Variants in ATM observed in about 807,000 individuals in gnomAD.
ATM encodes ATM serine/threonine kinase.
In ATM, 308 loss-of-function variants were observed where a neutral mutation model predicts 387.0. That is an observed-to-expected ratio of 0.80 (90% CI 0.73 to 0.87). ATM has a LOEUF of 0.87. Among genes scored for constraint, ATM ranks in the 40% least tolerant of loss-of-function variants. ATM has a pLI of 0.00. For missense variants in ATM, 3,312 were observed against 3,560.9 expected (o/e 0.93, Z 1.78); for synonymous variants, 1,156 against 1,187.3 (o/e 0.97, Z 0.54).
At chr11:108,318,030 G>C (rs185605042) in intron 43 of ATM, among the ~76,000 whole-genome samples, 2 of 152,080 alleles carry the variant, frequency 1.3e-5, no homozygotes, top group South Asian at 4.2e-4. Flanking sequence ...ATCCACAAAG[G>C]ACTGCTTATC....
In ATM at chr11:108,310,211, T is replaced by A; in HGVS notation, c.5814T>A (p.Tyr1938Ter). 1 of 1,613,728 alleles carries A rather than the reference T, an allele frequency of 6.2e-7. No individual in the cohort carries two copies. Among genetic ancestry groups the A allele is most frequent in the Non-Finnish European group, 8.5e-7 (1 of 1,179,802 alleles). ...FNDAFWLDLNYLEVAKVAQSC... is the reference protein window; with the variant it reads ...FNDAFWLDLN Reference sequence around the variant, plus strand: ...ATGCTTTCTGGCTGGATTTAAATTATCTAGAAGTTGCCAAGGTAGCTCAGT... The same window carrying A: ...ATGCTTTCTGGCTGGATTTAAATTAACTAGAAGTTGCCAAGGTAGCTCAGT... The change falls in exon 39 of 63, where the codon TAT (tyrosine) becomes TAA (stop). Residue 1938 changes from tyrosine to a stop codon, truncating the protein, a stop_gained. Transcript: ENST00000675843. LOFTEE classifies it high-confidence loss of function.
In ATM at chr11:108,289,897, ACT is replaced by A. The variant is rs200220292; in HGVS notation, c.4436+99_4436+100del. Reference sequence around the variant, plus strand: ...TTGTTTTGTTTTGAGACAAAGACTCACTCTGTCCGCCCAGGCTGGGTGCAGTC... The same window carrying A: ...TTGTTTTGTTTTGAGACAAAGACTCACTGTCCGCCCAGGCTGGGTGCAGTC... On this transcript the variant is annotated intron_variant, in intron 29 of 62. Transcript: ENST00000675843. 1.9e-3 allele frequency: 2,354 copies of A among 1,231,582 alleles called. 27 individuals carry two copies. In the African/African-American group the frequency reaches 0.024, roughly 12 times the overall value. The allele number at this position is 1,231,582 out of a possible 1,614,324, so 76.3% of individuals were successfully genotyped here.
rs77695110 is a variant in ATM, at chr11:108,299,029, G to A, written c.5006-685G>A. On this transcript the variant is annotated intron_variant, in intron 33 of 62. Transcript: ENST00000675843. ...CTGTTTGTTAGACGTGAGTCACTAAGTACAGACCACACTCAACGGGAGGGA... is the reference window on the plus strand; with the variant it reads ...CTGTTTGTTAGACGTGAGTCACTAAATACAGACCACACTCAACGGGAGGGA... Among the ~76,000 whole-genome samples the A allele has an allele frequency of 5.9e-3, 897 of 152,264 alleles. 9 individuals are homozygous for A. The highest frequency in any genetic ancestry group is 0.017 in the African/African-American group (726 of 41,546).
chr11:108,338,060 G>C (rs751228342), intron 56 of ATM, among the ~76,000 whole-genome samples: 5 of 152,342 alleles, frequency 3.3e-5, no homozygotes, highest in Admixed American at 1.3e-4. Context: ...ATTCCATTAA[G>C]ATTTCTAGCC....
At chr11:108,358,091 A>C (rs2137517804) in intron 61 of ATM, among the ~76,000 whole-genome samples, 1 of 150,660 alleles carries the variant, frequency 6.6e-6, no homozygotes, top group Admixed American at 6.6e-5. Context: ...AATACAGAGA[A>C]GTGCTTAAAG....
rs1005395388 is a variant in ATM, at chr11:108,365,874, C to G, written c.*366C>G. ...TGAAACCCTGTCTCTACTAAAAATA[C>G]AAAAATTAGCCGAGCATGGTGGCGG... On this transcript the variant is annotated 3_prime_UTR_variant, in exon 63 of 63. Transcript: ENST00000675843. The G allele has an allele frequency of 4.6e-6, 1 of 218,988 alleles. No homozygotes were observed. Among genetic ancestry groups the G allele is most frequent in the East Asian group, 8.2e-5 (1 of 12,178 alleles). The allele number at this position is 218,988 out of a possible 1,614,324, so 13.6% of individuals were successfully genotyped here.
At chr11:108,288,400 T>G (rs531577867) in intron 27 of ATM, among the ~76,000 whole-genome samples, 1 of 152,242 alleles carries the variant, frequency 6.6e-6, no homozygotes, top group African/African-American at 2.4e-5. Flanking sequence ...TGTGCGTTAT[T>G]ATCTGTACAA....
At position 108,233,867 on chromosome 11, in the gene ATM, G is replaced by GA. The variant is rs11292062; in HGVS notation, c.332-1795dup. ...CTGTCTCAAAAACAAGCAAAACTATGAAAAAAAAGTCAACATTTCTTGAAA... is the reference window on the plus strand; with the variant it reads ...CTGTCTCAAAAACAAGCAAAACTATGAAAAAAAAAGTCAACATTTCTTGAAA... On this transcript the variant is annotated intron_variant, in intron 4 of 62. Transcript: ENST00000675843. 5.9e-3 allele frequency among the ~76,000 whole-genome samples: 892 copies of GA among 151,552 alleles called. 9 individuals are homozygous for GA. Among genetic ancestry groups the GA allele is most frequent in the African/African-American group, 0.018 (724 of 41,306 alleles).
chr11:108,303,769 G>A (rs2083543342), intron 36 of ATM, among the ~76,000 whole-genome samples: 1 of 152,134 alleles, frequency 6.6e-6, no homozygotes, highest in Non-Finnish European at 1.5e-5. Flanking sequence ...TACCAATTCA[G>A]CAGAGTGGTA....
intron 16 of ATM, among the ~76,000 whole-genome samples, chr11:108,259,788 T>G (rs1269165153): frequency 6.6e-6 from 1 of 152,208 alleles, no homozygotes; most frequent in Non-Finnish European, 1.5e-5. Flanking sequence ...AATGGGCTTA[T>G]GCCACATACA....
At chr11:108,249,912 A>G (rs943774059) in intron 9 of ATM, among the ~76,000 whole-genome samples, 8 of 152,170 alleles carry the variant, frequency 5.3e-5, no homozygotes, top group African/African-American at 1.2e-4. Flanking sequence ...TAATTTATTG[A>G]ACACCTGTTA....
Position 108,341,437 on chromosome 11 carries a change from G to A in ATM, c.8269-1785G>A, listed in dbSNP as rs139167019. Among the ~76,000 whole-genome samples, 487 of 152,170 alleles carry A rather than the reference G, an allele frequency of 3.2e-3. 1 individual carries two copies. Among genetic ancestry groups the A allele is most frequent in the Non-Finnish European group, 5.7e-3 (390 of 67,998 alleles). ...TAGGATATATGTTCCTCACCAGAATGAAACTTTATGAGGGCATAGTCTTCA... is the reference window on the plus strand; with the variant it reads ...TAGGATATATGTTCCTCACCAGAATAAAACTTTATGAGGGCATAGTCTTCA... On this transcript the variant is annotated intron_variant, in intron 56 of 62. Coordinates refer to ENST00000675843, the MANE Select transcript of ATM (RefSeq NM_000051.4).
intron 61 of ATM, among the ~76,000 whole-genome samples, chr11:108,356,696 A>G (rs1370040054): frequency 6.6e-6 from 1 of 152,198 alleles, no homozygotes; most frequent in Non-Finnish European, 1.5e-5. Flanking sequence ...TATCCTACCT[A>G]ACACTCACCA....
rs184029731 is a variant in ATM at position 108,315,997 on chromosome 11, A to G, written c.6096-14A>G. On this transcript the variant is annotated splice_polypyrimidine_tract_variant and intron_variant, in intron 41 of 62. Coordinates refer to ENST00000675843, the MANE Select transcript of ATM (RefSeq NM_000051.4). ...TGTAAAACCCAAAGCTATTTTCACAATCTTTTCTTATAGACTACGAACATA... is the reference window on the plus strand; with the variant it reads ...TGTAAAACCCAAAGCTATTTTCACAGTCTTTTCTTATAGACTACGAACATA... 65 of 1,613,556 alleles carry G rather than the reference A, an allele frequency of 4.0e-5. No homozygotes were observed. Among genetic ancestry groups the G allele is most frequent in the East Asian group, 2.2e-4 (10 of 44,860 alleles).
chr11:108,345,680 T>C (rs1379618899), intron 57 of ATM, 63 bp from the exon 58 acceptor site: 1 of 1,277,630 alleles, frequency 7.8e-7, no homozygotes, highest in Non-Finnish European at 1.1e-6. Context: ...TATATAAAAA[T>C]GTGTATATTA....
In ATM at chr11:108,345,872, T is replaced by C. The variant is rs1555138320; in HGVS notation, c.8548T>C (p.Leu2850=). 6.2e-7 allele frequency: 1 copy of C among 1,613,902 alleles called. No individual in the cohort carries two copies. Among genetic ancestry groups the C allele is most frequent in the Non-Finnish European group, 8.5e-7 (1 of 1,179,854 alleles). Residue 2850 remains leucine, a synonymous_variant, in exon 58 of 63, where the codon TTG becomes CTG. Coordinates refer to ENST00000675843, the MANE Select transcript of ATM (RefSeq NM_000051.4). ...TCCAGCTATTTGGTTTGAGAAGCGA[T>C]TGGCTTATACGCGCAGTGTAGCTAC... ...LDPAIWFEKR[L]AYTRSVATSS...
At chr11:108,299,629 C>T in intron 33 of ATM, 85 bp from the exon 34 acceptor site, 1 of 1,343,110 alleles carries the variant, frequency 7.4e-7, no homozygotes, top group South Asian at 1.2e-5. Flanking sequence ...AGAAAAACAG[C>T]ATTATAGTTT....
intron 60 of ATM, among the ~76,000 whole-genome samples, 190 bp downstream of exon 60, chr11:108,354,070 AACACACACACACACAC>A (rs71047689): frequency 4.4e-5 from 5 of 114,832 alleles, no homozygotes; most frequent in Non-Finnish European, 9.7e-5. Context: ...CACACACACA[AACACACACACACACAC>A]ACACACACAC....
At chr11:108,244,264 C>A in intron 6 of ATM, 146 bp downstream of exon 6, 1 of 932,258 alleles carries the variant, frequency 1.1e-6, no homozygotes, top group Non-Finnish European at 1.6e-6. Context: ...AAAGAGACAA[C>A]CAAGTCCAAC....
Sources: gnomAD v4.1 joint callset for allele counts (sites outside exome capture counted in the v4.1 genomes callset) on GRCh38, gnomAD v4.1.1 for gene constraint, MANE v1.5 for transcripts, NCBI Gene and HGNC (gene_info 2026-07-23, HGNC 2026-07-21) for gene names.